The following RTN3 variants were observed in gnomAD, a reference collection of about 807,000 sequenced individuals.
RTN3 encodes reticulon 3, also known as reticulon-3.
A neutral mutation model predicts 77.8 loss-of-function variants in RTN3; 49 were observed. The ratio of observed to expected loss-of-function variants is 0.63; its 90% CI spans 0.50 to 0.80. The LOEUF (loss-of-function observed/expected upper bound fraction) is 0.80, where lower values mean the gene tolerates loss of function less well. RTN3 is among the 30% of genes least tolerant of loss of function. RTN3 has a pLI of 0.00. For missense variants in RTN3, 1,236 were observed against 1,211.9 expected, an observed-to-expected ratio of 1.02 and a Z score of -0.29; for synonymous variants, 464 against 446.9, an observed-to-expected ratio of 1.04 and a Z score of -0.48.
At chr11:63,736,154 C>T (rs1203408199) in intron 3 of RTN3, among the ~76,000 whole-genome samples, 1 of 152,090 alleles carries the variant, frequency 6.6e-6, no homozygotes, top group Non-Finnish European at 1.5e-5. Context: ...GAATTCAGTT[C>T]CTGGAAGTTG....
intron 1 of RTN3, among the ~76,000 whole-genome samples, chr11:63,701,014 C>T (rs372557525): frequency 6.7e-6 from 1 of 149,970 alleles, no homozygotes. Flanking sequence ...CGCATGAACC[C>T]AGGAGGCAGA....
At chr11:63,752,962 CATCACTAAATTT>C in intron 5 of RTN3, 95 bp from the exon 6 acceptor site, 2 of 1,072,738 alleles carry the variant, frequency 1.9e-6, no homozygotes, top group Non-Finnish European at 2.8e-6. Context: ...CCATGTCACA[CATCACTAAATTT>C]ATGCAGACTT....
At chr11:63,716,855 A>G (rs1391787126) in intron 2 of RTN3, among the ~76,000 whole-genome samples, 6 of 151,374 alleles carry the variant, frequency 4.0e-5, no homozygotes, top group Non-Finnish European at 8.8e-5. Context: ...TGTAGTCCCA[A>G]CTGCTTGGGA....
At chr11:63,697,837 T>A (rs557555900) in intron 1 of RTN3, among the ~76,000 whole-genome samples, 4 of 152,048 alleles carry the variant, frequency 2.6e-5, no homozygotes, top group Non-Finnish European at 2.9e-5. Context: ...CCAGAAAAAA[T>A]TGTTTCTTTT....
intron 3 of RTN3, among the ~76,000 whole-genome samples, chr11:63,732,009 A>G (rs1037958863): frequency 6.6e-6 from 1 of 152,172 alleles, no homozygotes; most frequent in Non-Finnish European, 1.5e-5. Context: ...CAGTGATCTA[A>G]GGTTCGAACT....
intron 2 of RTN3, among the ~76,000 whole-genome samples, chr11:63,716,417 T>C (rs2011400866): frequency 1.3e-5 from 2 of 152,378 alleles, no homozygotes; most frequent in South Asian, 4.1e-4. Context: ...CTCAAGGCAT[T>C]GCTGTCCTGA....
intron 1 of RTN3, among the ~76,000 whole-genome samples, chr11:63,683,348 T>C (rs1240834242): frequency 6.6e-6 from 1 of 152,262 alleles, no homozygotes; most frequent in Non-Finnish European, 1.5e-5. Flanking sequence ...TAATCACTTG[T>C]CATTGCTTAC....
At chr11:63,701,964 A>G (rs1190637881) in intron 1 of RTN3, among the ~76,000 whole-genome samples, 6 of 152,066 alleles carry the variant, frequency 3.9e-5, no homozygotes, top group Admixed American at 3.9e-4. Flanking sequence ...GGAAAGGACA[A>G]TTTTTTAATT....
chr11:63,682,792 C>G (rs1322942363), intron 1 of RTN3, among the ~76,000 whole-genome samples: 1 of 151,932 alleles, frequency 6.6e-6, no homozygotes, highest in African/African-American at 2.4e-5. Context: ...AGCTGCCTGG[C>G]AAGCTCCCCT....
At chr11:63,693,174 A>G (rs569419396) in intron 1 of RTN3, among the ~76,000 whole-genome samples, 1 of 152,330 alleles carries the variant, frequency 6.6e-6, no homozygotes, top group East Asian at 1.9e-4. Context: ...CTCTTCCCAG[A>G]AAAACATGCA....
At chr11:63,697,978 CT>C in intron 1 of RTN3, among the ~76,000 whole-genome samples, 1 of 152,178 alleles carries the variant, frequency 6.6e-6, no homozygotes, top group South Asian at 2.1e-4. Context: ...GTTTTTAGTT[CT>C]TCCCTTTATC....
Position 63,705,452 on chromosome 11 carries a change from G to A in RTN3, c.199+545G>A, listed in dbSNP as rs537612685. On this transcript the variant is annotated intron_variant, in intron 2 of 8. Transcript: ENST00000377819. ...CGATGATCGTGCCACTGCACTCCCC[G>A]CTGGGTGAGAGAGCAAGACCCTGTG... Among the ~76,000 whole-genome samples the A allele has an allele frequency of 4.6e-5, 7 of 152,284 alleles. No homozygotes were observed. In the East Asian group the frequency reaches 9.6e-4, roughly 21 times the overall value.
chr11:63,718,638 C>T, intron 2 of RTN3, 64 bp from the exon 3 acceptor site: 1 of 1,239,650 alleles, frequency 8.1e-7, no homozygotes, highest in Non-Finnish European at 1.1e-6. Context: ...TGCTGCTTGG[C>T]TTGGCTAGCT....
chr11:63,716,968 C>CAAA (rs752428943), intron 2 of RTN3, among the ~76,000 whole-genome samples: 32 of 27,098 alleles, frequency 1.2e-3, no homozygotes, highest in Non-Finnish European at 2.8e-3. Context: ...GACTCCGTCT[C>CAAA]AAAAAAAAAA....
chr11:63,731,928 G>C (rs1239464905), intron 3 of RTN3, among the ~76,000 whole-genome samples: 1 of 152,208 alleles, frequency 6.6e-6, no homozygotes, highest in East Asian at 1.9e-4. Flanking sequence ...TGGGATTACA[G>C]GCTTGAGCCA....
chr11:63,751,772 G>A (rs866066462), intron 4 of RTN3, among the ~76,000 whole-genome samples: 2 of 152,098 alleles, frequency 1.3e-5, no homozygotes, highest in Non-Finnish European at 1.5e-5. Flanking sequence ...CAGGCAGATC[G>A]CTTGAGGTCA....
At chr11:63,723,680 G>A (rs933117719) in intron 3 of RTN3, among the ~76,000 whole-genome samples, 1 of 152,048 alleles carries the variant, frequency 6.6e-6, no homozygotes, top group Non-Finnish European at 1.5e-5. Flanking sequence ...GCCTGCGTTG[G>A]CCTCTCAAAG....
chr11:63,758,152 A>G lies in RTN3; in HGVS notation c.3054-4A>G, dbSNP rs751266333. 8 of 1,587,426 alleles carry G rather than the reference A, an allele frequency of 5.0e-6. No homozygotes were observed. In the Admixed American group the frequency reaches 1.3e-4, roughly 25 times the overall value. Reference sequence around the variant, plus strand: ...CTTTCTTTTTCCCCTCCTTTTCTCAATAGGATCCAAGCAAAACTCCCTGGA... The same window carrying G: ...CTTTCTTTTTCCCCTCCTTTTCTCAGTAGGATCCAAGCAAAACTCCCTGGA... On this transcript the variant is annotated splice_region_variant and splice_polypyrimidine_tract_variant and intron_variant, in intron 8 of 8. Transcript: ENST00000377819.
chr11:63,719,767 C>G lies in RTN3; in HGVS notation c.1265C>G (p.Pro422Arg). ...AATGCTATTACTGGAAAACCTGTAC[C>G]TGACTCTTTGAATTCCACAAAAGAA... Reference protein sequence around the residue: ...QENAITGKPVPDSLNSTKEFS... With the variant: ...QENAITGKPVRDSLNSTKEFS... The change falls in exon 3 of 9, where the codon CCT becomes CGT. Residue 422 changes from proline (P) to arginine (R), a missense_variant. By Grantham distance (103) the Pro-to-Arg change is moderately radical. This residue lies in a region of RTN3 where 1,056 missense variants were observed against 990.4 expected (regional missense o/e 1.07). Coordinates refer to ENST00000377819, the MANE Select transcript of RTN3 (RefSeq NM_001265589.2). 6.2e-7 allele frequency: 1 copy of G among 1,614,160 alleles called. No homozygotes were observed. The highest frequency in any genetic ancestry group is 8.5e-7 in the Non-Finnish European group (1 of 1,180,042).
Sources: gnomAD v4.1 joint callset for allele counts (sites outside exome capture counted in the v4.1 genomes callset) on GRCh38, gnomAD v4.1.1 for gene constraint, gnomAD v4.1.1 regional missense constraint, MANE v1.5 for transcripts, NCBI Gene and HGNC (gene_info 2026-07-23, HGNC 2026-07-21) for gene names.